Variants in KCNIP1 observed in about 807,000 individuals in gnomAD.
KCNIP1 encodes the protein potassium voltage-gated channel interacting protein 1, also known as A-type potassium channel modulatory protein KCNIP1.
Under a neutral mutation model 33.0 loss-of-function variants are expected in KCNIP1, and 18 were observed. The ratio of observed to expected loss-of-function variants is 0.55; its 90% confidence interval spans 0.38 to 0.81. The LOEUF is 0.81. Ranked by LOEUF, KCNIP1 falls within the 30% of genes least tolerant of loss-of-function variation. The pLI is 0.00. For missense variants in KCNIP1, 238 were observed against 271.6 expected (o/e 0.88, Z 0.87); for synonymous variants, 93 against 98.3 (o/e 0.95, Z 0.32).
chr5:170,490,392 G>A (rs1412290822), intron 1 of KCNIP1, among the ~76,000 whole-genome samples: 2 of 152,198 alleles, frequency 1.3e-5, no homozygotes, highest in Admixed American at 1.3e-4. Context: ...AGCCCCCCGT[G>A]GTGATGAAAC....
intron 1 of KCNIP1, among the ~76,000 whole-genome samples, chr5:170,410,558 G>A (rs1225710149): frequency 6.6e-6 from 1 of 151,932 alleles, no homozygotes; most frequent in East Asian, 1.9e-4. Flanking sequence ...TAAAATAAAG[G>A]CATTTTAAAT....
rs992561509 is a variant in KCNIP1 at position 170,379,221 on chromosome 5, T to A, written c.88+25257T>A. On this transcript the variant is annotated intron_variant, in intron 1 of 7. Transcript: ENST00000377360. ...AGGCTACACACCTGGGCGCAGGTCC[T>A]ACCTTGGAGTCCTGGCTCTGCTTGG... 5.9e-5 allele frequency among the ~76,000 whole-genome samples: 9 copies of A among 152,284 alleles called. No homozygotes were observed. In the East Asian group the frequency reaches 1.7e-3, roughly 30 times the overall value.
At chr5:170,421,698 T>C (rs541020969) in intron 1 of KCNIP1, among the ~76,000 whole-genome samples, 1 of 152,204 alleles carries the variant, frequency 6.6e-6, no homozygotes, top group Admixed American at 6.5e-5. Flanking sequence ...CACCATCATC[T>C]TCATGATTAG....
At chr5:170,581,808 T>G (rs576397233) in intron 1 of KCNIP1, among the ~76,000 whole-genome samples, 1 of 152,338 alleles carries the variant, frequency 6.6e-6, no homozygotes, top group South Asian at 2.1e-4. Flanking sequence ...AGAGGTTTAT[T>G]TGGCTCACAG....
chr5:170,647,200 T>C (rs1041833837), intron 1 of KCNIP1, among the ~76,000 whole-genome samples: 8 of 152,176 alleles, frequency 5.3e-5, no homozygotes, highest in African/African-American at 1.9e-4. Flanking sequence ...CATCTATAGA[T>C]TAAATGCAAT....
chr5:170,504,012 G>C, upstream of KCNIP1: 4 of 825,226 alleles, frequency 4.8e-6, no homozygotes, highest in Non-Finnish European at 5.8e-6. This position sits in a 1 kb window ranked among gnomAD's most constrained non-coding sequence, Gnocchi z 6.0. Flanking sequence ...CGCCCCCTCC[G>C]CCGCTCCGAC....
At position 170,373,130 on chromosome 5, in the gene KCNIP1, A is replaced by G. The variant is rs1248330949; in HGVS notation, c.88+19166A>G. ...TGTACTTATGTAAGTGGGGAGGGAG[A>G]GTTGTGCAAAGCTAGGAAGAAGCTG... On this transcript the variant is annotated intron_variant, in intron 1 of 7. Coordinates refer to the KCNIP1 transcript ENST00000377360. Among the ~76,000 whole-genome samples the G allele has an allele frequency of 2.0e-5, 3 of 152,124 alleles. No homozygotes were observed. The East Asian group carries it at 5.8e-4, about 29-fold the overall frequency.
At chr5:170,679,345 T>G (rs1167678369) in intron 1 of KCNIP1, 1 of 152,222 alleles carries the variant, frequency 6.6e-6, no homozygotes, top group African/African-American at 2.4e-5. Flanking sequence ...GAATGGAGAT[T>G]GACACAAAGA....
chr5:170,498,759 G>A (rs1757356843), intron 1 of KCNIP1, among the ~76,000 whole-genome samples: 1 of 152,172 alleles, frequency 6.6e-6, no homozygotes, highest in Admixed American at 6.5e-5. Context: ...CATTTGCAGA[G>A]TGCTCTACAG....
intron 1 of KCNIP1, among the ~76,000 whole-genome samples, chr5:170,398,611 C>G (rs1384344760): frequency 6.6e-6 from 1 of 152,088 alleles, no homozygotes; most frequent in Non-Finnish European, 1.5e-5. Context: ...TTATTTGTCC[C>G]AAATTGTGAT....
intron 1 of KCNIP1, among the ~76,000 whole-genome samples, chr5:170,604,024 T>C (rs1009907118): frequency 2.6e-5 from 4 of 152,024 alleles, no homozygotes; most frequent in African/African-American, 9.7e-5. Flanking sequence ...AAGAAAACTG[T>C]TGAGGCAAGA....
At chr5:170,649,513 T>C (rs935428557) in intron 1 of KCNIP1, among the ~76,000 whole-genome samples, 2 of 152,160 alleles carry the variant, frequency 1.3e-5, no homozygotes, top group African/African-American at 2.4e-5. Flanking sequence ...AGCCATGCAT[T>C]TGGGTGCAGG....
chr5:170,493,553 G>T (rs1311632212), intron 1 of KCNIP1, among the ~76,000 whole-genome samples: 1 of 152,176 alleles, frequency 6.6e-6, no homozygotes, highest in African/African-American at 2.4e-5. Context: ...CCCTCCAGCT[G>T]CAGGTTGGTG....
chr5:170,513,913 T>C (rs763282217), intron 1 of KCNIP1, among the ~76,000 whole-genome samples: 27 of 152,230 alleles, frequency 1.8e-4, no homozygotes, highest in Non-Finnish European at 3.2e-4. Context: ...GTAATCTTTT[T>C]ATTTTTGTAG....
At chr5:170,589,794 T>TGTGTGGTGCG (rs1554103003) in intron 1 of KCNIP1, among the ~76,000 whole-genome samples, 36 of 113,164 alleles carry the variant, frequency 3.2e-4, no homozygotes, top group Admixed American at 6.0e-4. Flanking sequence ...TGTGATGTGG[T>TGTGTGGTGCG]GTGCGGTGCG....
chr5:170,542,707 A>G (rs1236998197), intron 1 of KCNIP1, among the ~76,000 whole-genome samples: 1 of 152,054 alleles, frequency 6.6e-6, no homozygotes, highest in Non-Finnish European at 1.5e-5. Flanking sequence ...TAAATTAGGC[A>G]TGGTAGGAGA....
chr5:170,500,917 G>A (rs1399092085), upstream of KCNIP1, among the ~76,000 whole-genome samples: 1 of 152,118 alleles, frequency 6.6e-6, no homozygotes, highest in East Asian at 1.9e-4. Context: ...TTCCTTTAAG[G>A]GGCAAGGATG....
chr5:170,719,532 C>A (rs538950504), intron 2 of KCNIP1, among the ~76,000 whole-genome samples: 1 of 152,186 alleles, frequency 6.6e-6, no homozygotes, highest in African/African-American at 2.4e-5. Flanking sequence ...AGAGTGCAAT[C>A]TTATTCCCAA....
intron 1 of KCNIP1, among the ~76,000 whole-genome samples, chr5:170,607,813 G>A (rs1341731963): frequency 1.3e-5 from 2 of 152,166 alleles, no homozygotes; most frequent in Admixed American, 6.5e-5. Context: ...GGATTCCGGA[G>A]GGCAGCGATC....
Sources: gnomAD v4.1 joint callset for allele counts (sites outside exome capture counted in the v4.1 genomes callset) on GRCh38, gnomAD v4.1.1 for gene constraint, Gnocchi (gnomAD v3.1) non-coding constraint, MANE v1.5 for transcripts, NCBI Gene and HGNC (gene_info 2026-07-23, HGNC 2026-07-21) for gene names.